Variants in AGMO observed in about 807,000 individuals in gnomAD.
AGMO encodes alkylglycerol monooxygenase, also known as glyceryl-ether monooxygenase.
A neutral mutation model predicts 60.2 loss-of-function variants in AGMO; 75 were observed. That is an observed-to-expected ratio of 1.25 (90% CI 1.03 to 1.51). The LOEUF (loss-of-function observed/expected upper bound fraction) is 1.51, where lower values mean the gene tolerates loss of function less well. AGMO is among the 40% of genes most tolerant of loss of function. The pLI is 0.00. For synonymous variants in AGMO, 261 were observed against 177.1 expected (o/e 1.47, Z -3.76); for missense variants, 763 against 525.5 (o/e 1.45, Z -4.42).
chr7:15,497,821 C>G (rs1366170757), intron 3 of AGMO, among the ~76,000 whole-genome samples: 1 of 151,972 alleles, frequency 6.6e-6, no homozygotes, highest in Non-Finnish European at 1.5e-5. Flanking sequence ...TAAGATATTC[C>G]TATAGATTGG....
intron 5 of AGMO, among the ~76,000 whole-genome samples, chr7:15,400,153 C>A (rs1784515571): frequency 6.6e-6 from 1 of 152,160 alleles, no homozygotes; most frequent in African/African-American, 2.4e-5. Context: ...AGGTCACATA[C>A]AACATTGCTT....
At chr7:15,386,232 T>A (rs1783908806) in intron 9 of AGMO, among the ~76,000 whole-genome samples, 1 of 152,126 alleles carries the variant, frequency 6.6e-6, no homozygotes, top group Admixed American at 6.6e-5. Flanking sequence ...TAATCATGCT[T>A]CAAAGAAAAA....
chr7:15,328,132 C>T (rs1182981311), intron 12 of AGMO, among the ~76,000 whole-genome samples: 6 of 151,712 alleles, frequency 4.0e-5, no homozygotes, highest in African/African-American at 1.5e-4. Context: ...CAAAGTCTCA[C>T]TGTCGCCCAA....
intron 3 of AGMO, among the ~76,000 whole-genome samples, chr7:15,463,508 C>T (rs17168761): frequency 0.18 from 28,117 of 152,036 alleles, 3,671 homozygotes; most frequent in East Asian, 0.61. Context: ...TTGAGTTGTC[C>T]TTAAGATTCT....
At chr7:15,561,465 A>G (rs1168395207) in intron 1 of AGMO, among the ~76,000 whole-genome samples, 1 of 152,202 alleles carries the variant, frequency 6.6e-6, no homozygotes, top group Admixed American at 6.5e-5. Context: ...GTCCAGGAAA[A>G]CTTTAAACTT....
At chr7:15,461,231 G>A (rs1391570735) in intron 3 of AGMO, among the ~76,000 whole-genome samples, 1 of 151,678 alleles carries the variant, frequency 6.6e-6, no homozygotes, top group Non-Finnish European at 1.5e-5. Context: ...TTTTGAGATT[G>A]GCCTAATATT....
intron 5 of AGMO, among the ~76,000 whole-genome samples, chr7:15,401,500 C>T (rs1207418290): frequency 6.6e-6 from 1 of 152,118 alleles, no homozygotes; most frequent in Non-Finnish European, 1.5e-5. Flanking sequence ...TTACCTCATT[C>T]TGACTATTGA....
intron 3 of AGMO, among the ~76,000 whole-genome samples, chr7:15,473,989 T>C (rs1044555788): frequency 6.6e-6 from 1 of 152,048 alleles, no homozygotes; most frequent in African/African-American, 2.4e-5. Flanking sequence ...GAATACAATC[T>C]ACAAGGGATG....
chr7:15,549,852 A>G lies in AGMO; in HGVS notation c.258-4929T>C, dbSNP rs1265152114. On this transcript the variant is annotated intron_variant, in intron 2 of 12. Transcript: ENST00000342526. Reference sequence around the variant, plus strand: ...TCTACAGAACTCTCCACCCCAAATCAACAGAATATACATTTTTTCAGCACC... The same window carrying G: ...TCTACAGAACTCTCCACCCCAAATCGACAGAATATACATTTTTTCAGCACC... 6.5e-3 allele frequency among the ~76,000 whole-genome samples: 986 copies of G among 151,930 alleles called. 12 individuals are homozygous for G. The highest frequency in any genetic ancestry group is 0.023 in the African/African-American group (939 of 41,432).
chr7:15,414,927 G>T (rs1312324475), intron 5 of AGMO, among the ~76,000 whole-genome samples: 2 of 151,984 alleles, frequency 1.3e-5, no homozygotes, highest in South Asian at 4.2e-4. Flanking sequence ...GGGCTATAGT[G>T]GTTATGTACA....
chr7:15,184,259 GGGAGAAAGGGAGGAAAGAAAAGGAA>G, the AGMO span, among the ~76,000 whole-genome samples: 12 of 145,762 alleles, frequency 8.2e-5, no homozygotes, highest in South Asian at 4.6e-4. Context: ...AAGGGAGGGA[GGGAGAAAGGGAGGAAAGAAAAGGAA>G]GGAAGGAAGG....
chr7:15,185,753 A>G, the AGMO span, among the ~76,000 whole-genome samples: 1 of 152,212 alleles, frequency 6.6e-6, no homozygotes, highest in African/African-American at 2.4e-5. Flanking sequence ...GAAAATCACA[A>G]TCTATAAAGA....
At chr7:15,519,213 A>G (rs10230299) in intron 3 of AGMO, among the ~76,000 whole-genome samples, 6,529 of 151,848 alleles carry the variant, frequency 0.043, 477 homozygotes, top group African/African-American at 0.15. Context: ...GAAAGTGATA[A>G]GAAGAATGGA....
At chr7:15,487,744 G>GA (rs141582596) in intron 3 of AGMO, among the ~76,000 whole-genome samples, 1,719 of 149,034 alleles carry the variant, frequency 0.012, 40 homozygotes, top group African/African-American at 0.039. Flanking sequence ...ATATTTTGGG[G>GA]AAAAAAAAAC....
intron 3 of AGMO, among the ~76,000 whole-genome samples, chr7:15,435,621 T>C (rs955744014): frequency 3.9e-5 from 6 of 152,280 alleles, no homozygotes; most frequent in Admixed American, 3.9e-4. Context: ...AAGTCCTTTA[T>C]TAAATATGTG....
At chr7:15,396,437 G>C (rs776456931) in intron 5 of AGMO, 2 of 152,266 alleles carry the variant, frequency 1.3e-5, no homozygotes, top group Non-Finnish European at 1.5e-5. Flanking sequence ...GGCTTGAGAA[G>C]TGAAGCTGCA....
intron 12 of AGMO, among the ~76,000 whole-genome samples, chr7:15,218,624 AT>A (rs1781819979): frequency 6.6e-6 from 1 of 152,006 alleles, no homozygotes; most frequent in African/African-American, 2.4e-5. Context: ...TTTTTTCTGT[AT>A]TTTTGAAAAA....
At chr7:15,376,990 A>C (rs148494707) in intron 10 of AGMO, among the ~76,000 whole-genome samples, 1 of 152,216 alleles carries the variant, frequency 6.6e-6, no homozygotes, top group East Asian at 1.9e-4. Context: ...AAAACAAGTA[A>C]GTATTTATCT....
At chr7:15,405,710 T>C (rs62439269) in intron 5 of AGMO, among the ~76,000 whole-genome samples, 7,796 of 152,028 alleles carry the variant, frequency 0.051, 240 homozygotes, top group African/African-American at 0.073. Context: ...TGGGTGAGTA[T>C]GATTACTGTT....
Sources: gnomAD v4.1 joint callset for allele counts (sites outside exome capture counted in the v4.1 genomes callset) on GRCh38, gnomAD v4.1.1 for gene constraint, MANE v1.5 for transcripts, NCBI Gene and HGNC (gene_info 2026-07-23, HGNC 2026-07-21) for gene names.